The following CRX variants were observed in gnomAD, a reference collection of about 807,000 sequenced individuals.
CRX encodes cone-rod homeobox protein.
CRX carries 5 observed loss-of-function variants against 13.1 expected under a neutral mutation model. The ratio of observed to expected loss-of-function variants is 0.38; its 90% CI spans 0.20 to 0.80. CRX has a LOEUF of 0.80. Ranked by LOEUF, CRX falls within the 30% of genes least tolerant of loss-of-function variation. The probability of loss-of-function intolerance (pLI) is 0.43; values close to 1 mark genes in which losing one functional copy is unlikely to be tolerated. For synonymous variants in CRX, 179 were observed against 171.1 expected (o/e 1.05, Z -0.36); for missense variants, 351 against 391.8 (o/e 0.90, Z 0.88).
rs1968177097 is a variant in CRX, at chr19:47,840,117, A to G, written c.*150A>G. 2 of 849,586 alleles carry G rather than the reference A, an allele frequency of 2.4e-6. No individual in the cohort carries two copies. Among genetic ancestry groups the G allele is most frequent in the Non-Finnish European group, 3.7e-6 (2 of 537,992 alleles). 52.6% of individuals were successfully genotyped at this position (849,586 alleles called of 1,614,324 possible). ...ACAGCTCGGTGTTCAGCTTACAGAG[A>G]CCACCCCTTTCCTCCACAGGGAGAG... On this transcript the variant is annotated 3_prime_UTR_variant, in exon 4 of 4. Transcript: ENST00000221996.
chr19:47,836,444 G>A (rs746565518), intron 3 of CRX, 50 bp downstream of exon 3: 1 of 1,612,570 alleles, frequency 6.2e-7, no homozygotes, highest in South Asian at 1.1e-5. Context: ...GTGATCTCAG[G>A]AGGCCTGCCC....
intron 1 of CRX, among the ~76,000 whole-genome samples, chr19:47,830,322 A>G (rs907663148): frequency 6.6e-6 from 1 of 151,920 alleles, no homozygotes. Context: ...AAAAACCCCA[A>G]AAAACAAATC....
rs770752727 is a variant in CRX at position 47,839,387 on chromosome 19, C to A, written c.320C>A (p.Pro107His). 1.2e-6 allele frequency: 2 copies of A among 1,613,530 alleles called. No homozygotes were observed. Among genetic ancestry groups the A allele is most frequent in the African/African-American group, 1.3e-5 (1 of 74,898 alleles). ...CAGCAGCAGAAACAGCAGCAGCAGC[C>A]CCCAGGGGGCCAGGCCAAGGCCCGG... is the stretch of plus-strand genomic sequence containing the variant. ...QRQQQKQQQQ[P>H]PGGQAKARPA... Residue 107 changes from proline to histidine, a missense_variant, in exon 4 of 4, where the codon CCC becomes CAC. This residue lies in a region of CRX where 253 missense variants were observed against 268.3 expected (regional missense o/e 0.94). Coordinates refer to ENST00000221996, the MANE Select transcript of CRX (RefSeq NM_000554.6). The surrounding 1 kb of genome is among the most constrained non-coding windows in gnomAD (Gnocchi z 4.6).
Position 47,839,177 on chromosome 19 carries a change from T to C in CRX, c.253-143T>C, listed in dbSNP as rs541373463. ...ATGGATAGATGGATGGATGGGTGAATAGACGCCCCACAGCTGGATGCAAAG... is the reference window on the plus strand; with the variant it reads ...ATGGATAGATGGATGGATGGGTGAACAGACGCCCCACAGCTGGATGCAAAG... On this transcript the variant is annotated intron_variant, in intron 3 of 3. Transcript: ENST00000221996. The surrounding 1 kb of genome is among the most constrained non-coding windows in gnomAD (Gnocchi z 4.6). 5.9e-6 allele frequency: 5 copies of C among 840,672 alleles called. No homozygotes were observed. The highest frequency in any genetic ancestry group is 2.5e-5 in the East Asian group (1 of 40,752). 52.1% of individuals were successfully genotyped at this position (840,672 alleles called of 1,614,324 possible).
chr19:47,822,409 C>T (rs76508477), intron 1 of CRX, among the ~76,000 whole-genome samples: 1,721 of 152,272 alleles, frequency 0.011, 29 homozygotes, highest in African/African-American at 0.039. Context: ...TTCATTTGCG[C>T]GATGATCCAC....
chr19:47,837,922 T>C (rs557522928), intron 3 of CRX, among the ~76,000 whole-genome samples: 4 of 148,878 alleles, frequency 2.7e-5, no homozygotes, highest in Non-Finnish European at 6.0e-5. Flanking sequence ...ACATAATGTA[T>C]GTGTGTATGG....
chr19:47,836,284 C>A lies in CRX; in HGVS notation c.142C>A (p.Arg48=). 2 of 1,614,196 alleles carry A rather than the reference C, an allele frequency of 1.2e-6. No homozygotes were observed. The highest frequency in any genetic ancestry group is 8.5e-7 in the Non-Finnish European group (1 of 1,180,042). ...GCGGCGGGAGCGCACCACCTTCACC[C>A]GGAGCCAACTGGAGGAGCTGGAGGC... ...KQRRERTTFT[R]SQLEELEALF... Residue 48 remains arginine, a synonymous_variant, in exon 3 of 4, where the codon CGG becomes AGG. Transcript: ENST00000221996.
intron 1 of CRX, among the ~76,000 whole-genome samples, chr19:47,831,157 A>G (rs1257023395): frequency 6.6e-6 from 1 of 151,782 alleles, no homozygotes; most frequent in African/African-American, 2.4e-5. Flanking sequence ...AAATACAAAA[A>G]TTAGCCGGGC....
intron 1 of CRX, among the ~76,000 whole-genome samples, chr19:47,823,940 A>C (rs554683416): frequency 6.6e-6 from 1 of 152,172 alleles, no homozygotes; most frequent in Admixed American, 6.5e-5. Flanking sequence ...GTGAGCCACC[A>C]CACCCGGCCG....
intron 1 of CRX, among the ~76,000 whole-genome samples, chr19:47,829,087 T>C (rs561163483): frequency 1.3e-5 from 2 of 152,194 alleles, no homozygotes; most frequent in South Asian, 4.1e-4. Flanking sequence ...GTAAAATCAA[T>C]GCCTCATTTT....
chr19:47,840,048 G>A lies in CRX; in HGVS notation c.*81G>A. On this transcript the variant is annotated 3_prime_UTR_variant, in exon 4 of 4. Coordinates refer to ENST00000221996, the MANE Select transcript of CRX (RefSeq NM_000554.6). ...CTGCTTCCCTGCAGTTTAGATCCCG[G>A]GATGGCATTCCTGAGAAAGCAACCC... 1 of 1,560,788 alleles carries A rather than the reference G, an allele frequency of 6.4e-7. No individual in the cohort carries two copies. Among genetic ancestry groups the A allele is most frequent in the Non-Finnish European group, 8.7e-7 (1 of 1,147,540 alleles).
intron 1 of CRX, among the ~76,000 whole-genome samples, chr19:47,833,580 C>T (rs1209028656): frequency 6.6e-6 from 1 of 151,960 alleles, no homozygotes; most frequent in Non-Finnish European, 1.5e-5. Context: ...CCTTGCCTGG[C>T]CCTTACTGTT....
intron 2 of CRX, among the ~76,000 whole-genome samples, chr19:47,834,907 G>C (rs1968097427): frequency 6.6e-6 from 1 of 152,080 alleles, no homozygotes; most frequent in Admixed American, 6.6e-5. Flanking sequence ...TCGAACTCCT[G>C]GGCTCAAGCA....
At position 47,827,836 on chromosome 19, in the gene CRX, TAAAAAAAAAAAAAAAAA is replaced by T. The variant is rs1156465404; in HGVS notation, c.-36+5845_-36+5861del. Among the ~76,000 whole-genome samples, 202 of 41,760 alleles carry T rather than the reference TAAAAAAAAAAAAAAAAA, an allele frequency of 4.8e-3. 2 individuals are homozygous for T. Among genetic ancestry groups the T allele is most frequent in the Admixed American group, 0.013 (34 of 2,644 alleles). The allele number at this position is 41,760 out of a possible 152,430, so 27.4% of individuals were successfully genotyped here. Reference sequence around the variant, plus strand: ...CTGCTCCTGGCCATGGCATCTTTATTAAAAAAAAAAAAAAAAAAAAAAAAAAAAAAAAAAAGGCAGGG... The same window carrying T: ...CTGCTCCTGGCCATGGCATCTTTATTAAAAAAAAAAAAAAAAAAGGCAGGG... On this transcript the variant is annotated intron_variant, in intron 1 of 3. Transcript: ENST00000221996.
In CRX at chr19:47,836,359, G is replaced by T; in HGVS notation, c.217G>T (p.Ala73Ser). 4 of 1,614,238 alleles carry T rather than the reference G, an allele frequency of 2.5e-6. No individual in the cohort carries two copies. Among genetic ancestry groups the T allele is most frequent in the Non-Finnish European group, 3.4e-6 (4 of 1,180,042 alleles). Residue 73 changes from alanine to serine, a missense_variant, in exon 3 of 4, where the codon GCT becomes TCT. Physicochemically the swap from Ala to Ser is moderately conservative, Grantham distance 99 (BLOSUM62 1). This residue lies in a region of CRX where 95 missense variants were observed against 106.7 expected (regional missense o/e 0.89). Transcript: ENST00000221996. ...AGACGTCTATGCCCGTGAGGAGGTG[G>T]CTCTGAAGATCAATCTGCCTGAGTC... ...YPDVYAREEV[A>S]LKINLPESRV...
At position 47,839,553 on chromosome 19, in the gene CRX, C is replaced by A. The variant is rs758358793; in HGVS notation, c.486C>A (p.Ile162=). 6.2e-7 allele frequency: 1 copy of A among 1,612,994 alleles called. No homozygotes were observed. The highest frequency in any genetic ancestry group is 8.5e-7 in the Non-Finnish European group (1 of 1,179,308). The change falls in exon 4 of 4, where the codon ATC becomes ATA. Residue 162 remains isoleucine, a synonymous_variant. Coordinates refer to ENST00000221996, the MANE Select transcript of CRX (RefSeq NM_000554.6). The surrounding 1 kb of genome is among the most constrained non-coding windows in gnomAD (Gnocchi z 4.6). The part of the protein sequence containing the change: ...SPTTAVATVS[I]WSPASESPLP... ...CCACGGCAGTGGCCACTGTGTCCAT[C>A]TGGAGCCCAGCCTCAGAGTCCCCTT...
Position 47,839,887 on chromosome 19 carries a change from G to T in CRX, c.820G>T (p.Gly274Cys). 1 of 1,614,100 alleles carries T rather than the reference G, an allele frequency of 6.2e-7. No individual in the cohort carries two copies. Among genetic ancestry groups the T allele is most frequent in the Admixed American group, 1.7e-5 (1 of 60,004 alleles). ...TAGCTTGGAATTCAAGGACCCCACG[G>T]GCACCTGGAAATTCACCTACAATCC... ...VDSLEFKDPT[G>C]TWKFTYNPMD... The change falls in exon 4 of 4, where the codon GGC becomes TGC. Residue 274 changes from glycine to cysteine, a missense_variant. Transcript: ENST00000221996. This position sits in a 1 kb window ranked among gnomAD's most constrained non-coding sequence, Gnocchi z 4.6.
chr19:47,834,407 A>G lies in CRX; in HGVS notation c.-35-2A>G. ...GTGAGCATCCCTCCTCTTCTCTTGC[A>G]GGCCCCCTGACTTGGGCCTCAGTGT... On this transcript the variant is annotated splice_acceptor_variant, in intron 1 of 3. Transcript: ENST00000221996. LOFTEE classifies it low-confidence loss of function (5UTR_SPLICE). 6.7e-7 allele frequency: 1 copy of G among 1,489,626 alleles called. No individual in the cohort carries two copies. Among genetic ancestry groups the G allele is most frequent in the Non-Finnish European group, 9.4e-7 (1 of 1,066,502 alleles). The allele number at this position is 1,489,626 out of a possible 1,614,324, so 92.3% of individuals were successfully genotyped here.
At chr19:47,831,505 T>A (rs11083898) in intron 1 of CRX, among the ~76,000 whole-genome samples, 75,198 of 151,440 alleles carry the variant, frequency 0.5, 19,312 homozygotes, top group Middle Eastern at 0.63. Context: ...TATTGTGAAC[T>A]GCACGTGCGA....
Sources: allele counts gnomAD v4.1 joint callset (sites outside exome capture counted in the v4.1 genomes callset), GRCh38; gene constraint gnomAD v4.1.1; regional missense constraint gnomAD v4.1.1; non-coding constraint Gnocchi (gnomAD v3.1); transcripts MANE v1.5; gene names NCBI Gene and HGNC (gene_info 2026-07-23, HGNC 2026-07-21).